SLC2A6: variants seen among roughly 807,000 people sequenced by gnomAD.
SLC2A6 encodes the protein solute carrier family 2, facilitated glucose transporter member 6.
A neutral mutation model predicts 47.8 loss-of-function variants in SLC2A6; 39 were observed. The observed-to-expected ratio is 0.82, with a 90% CI of 0.63 to 1.07. The LOEUF (loss-of-function observed/expected upper bound fraction) is 1.07, where lower values mean the gene tolerates loss of function less well. Ranked by LOEUF, SLC2A6 falls within the 50% of genes least tolerant of loss-of-function variation. The probability of loss-of-function intolerance (pLI) is 0.00; values close to 1 mark genes in which losing one functional copy is unlikely to be tolerated. For missense variants in SLC2A6, 650 were observed against 707.6 expected (o/e 0.92, Z 0.92); for synonymous variants, 346 against 324.1 (o/e 1.07, Z -0.73).
Position 133,475,602 on chromosome 9 carries a change from A to G in SLC2A6, c.572T>C (p.Leu191Pro). The G allele has an allele frequency of 1.3e-6, 2 of 1,595,454 alleles. No individual in the cohort carries two copies. The highest frequency in any genetic ancestry group is 1.7e-6 in the Non-Finnish European group (2 of 1,173,218). The change falls in exon 5 of 10, where the codon CTG becomes CCG. Residue 191 changes from leucine to proline, a missense_variant. By Grantham distance (98) the Leu-to-Pro change is moderately conservative. Transcript: ENST00000371899. ...SLSLYALGLL[L>P]PWRWLAVAGE... ...GGCCACAGCCAGCCAGCGCCACGGC[A>G]GCAGGAGGCCTGGGGGCGAGGGGTG...
chr9:133,473,020 GC>G (rs1807531668), intron 9 of SLC2A6, 84 bp downstream of exon 9: 1 of 1,426,776 alleles, frequency 7.0e-7, no homozygotes, highest in African/African-American at 1.4e-5. Flanking sequence ...CTGACAGCAG[GC>G]CTTGGCACAG....
chr9:133,475,920 ATTTCT>A (rs1000926789), intron 4 of SLC2A6, among the ~76,000 whole-genome samples: 31 of 152,212 alleles, frequency 2.0e-4, no homozygotes, highest in African/African-American at 6.8e-4. Context: ...ACGCACTGTG[ATTTCT>A]TTTCTATCTG....
At chr9:133,473,352 G>C in intron 8 of SLC2A6, 63 bp downstream of exon 8, 1 of 1,542,118 alleles carries the variant, frequency 6.5e-7, no homozygotes, top group Non-Finnish European at 8.7e-7. Flanking sequence ...AGCCACCCCA[G>C]ACACATCACC....
chr9:133,471,901 T>C lies in SLC2A6; in HGVS notation c.*120A>G. 1 of 1,236,750 alleles carries C rather than the reference T, an allele frequency of 8.1e-7. No homozygotes were observed. Among genetic ancestry groups the C allele is most frequent in the South Asian group, 1.5e-5 (1 of 68,616 alleles). The allele number at this position is 1,236,750 out of a possible 1,614,324, so 76.6% of individuals were successfully genotyped here. A position where few individuals can be genotyped will look rare whatever the true frequency, so the allele number is the denominator to read the frequency against. On this transcript the variant is annotated 3_prime_UTR_variant, in exon 10 of 10. Transcript: ENST00000371899. ...TGCTGAGGCCCCATCACACTGCTCT[T>C]CCTGTGCTCTGGCTGGTGGCAGGGA... is the stretch of plus-strand genomic sequence containing the variant.
rs781956939 is a variant in SLC2A6, at chr9:133,476,328, C to T, written c.471G>A (p.Val157=). The change falls in exon 4 of 10, where the codon GTG becomes GTA. Residue 157 remains valine (V), a synonymous_variant. Coordinates refer to ENST00000371899, the MANE Select transcript of SLC2A6 (RefSeq NM_017585.4). ...GAACGCCTGGGGGAGCAATCTCAGA[C>T]ACGTACACCTGCAAGACACAGCCGC... is the stretch of plus-strand genomic sequence containing the variant. ...GLTAACIPVY[V]SEIAPPGVRG... is the part of the protein sequence containing the mutation. 6.2e-7 allele frequency: 1 copy of T among 1,612,898 alleles called. No homozygotes were observed. Among genetic ancestry groups the T allele is most frequent in the Non-Finnish European group, 8.5e-7 (1 of 1,179,878 alleles).
At chr9:133,475,204 C>A in intron 5 of SLC2A6, 91 bp from the exon 6 acceptor site, 1 of 1,423,752 alleles carries the variant, frequency 7.0e-7, no homozygotes, top group South Asian at 1.5e-5. Context: ...TGTGGGAGAC[C>A]TCCTTTTTCC....
At chr9:133,473,914 C>T (rs1264851731) in intron 7 of SLC2A6, 66 bp downstream of exon 7, 2 of 1,275,872 alleles carry the variant, frequency 1.6e-6, no homozygotes, top group Admixed American at 4.6e-5. Context: ...GGCAGGCCTG[C>T]ACACCCAGCC....
chr9:133,471,838 G>T lies in SLC2A6; in HGVS notation c.*183C>A. The T allele has an allele frequency of 1.5e-6, 1 of 649,926 alleles. No individual in the cohort carries two copies. The highest frequency in any genetic ancestry group is 2.6e-6 in the Non-Finnish European group (1 of 385,462). 40.3% of individuals were successfully genotyped at this position (649,926 alleles called of 1,614,324 possible). Reference sequence around the variant, plus strand: ...GCTGCCTGGGCTGGGGCTGTGGCTGGACAGCAGTGCTACCTGTCCCGAGCC... The same window carrying T: ...GCTGCCTGGGCTGGGGCTGTGGCTGTACAGCAGTGCTACCTGTCCCGAGCC... On this transcript the variant is annotated 3_prime_UTR_variant, in exon 10 of 10. Transcript: ENST00000371899.
intron 2 of SLC2A6, among the ~76,000 whole-genome samples, chr9:133,477,547 G>A (rs1844005260): frequency 6.6e-6 from 1 of 152,216 alleles, no homozygotes; most frequent in Non-Finnish European, 1.5e-5. Context: ...AAGGTACTGG[G>A]CTTTAAGATT....
rs782749328 is a variant in SLC2A6, at chr9:133,475,248, C to G, written c.775-135G>C. On this transcript the variant is annotated intron_variant, in intron 5 of 9. Transcript: ENST00000371899. ...GGAAAGAACCAGCTTACCAGGCCAC[C>G]CAGGCTCTGGGAACAGCCCCCCACC... 6.2e-5 allele frequency: 85 copies of G among 1,379,900 alleles called. 1 individual carries two copies. In the Admixed American group the frequency reaches 7.4e-4, roughly 12 times the overall value. 85.5% of individuals were successfully genotyped at this position (1,379,900 alleles called of 1,614,324 possible).
At position 133,473,489 on chromosome 9, in the gene SLC2A6, A is replaced by T. The variant is rs781837510; in HGVS notation, c.1148T>A (p.Leu383Ter). 2 of 1,603,696 alleles carry T rather than the reference A, an allele frequency of 1.2e-6. No individual in the cohort carries two copies. The highest frequency in any genetic ancestry group is 1.7e-6 in the Non-Finnish European group (2 of 1,176,810). Residue 383 changes from leucine to a stop codon, truncating the protein, a stop_gained, in exon 8 of 10, where the codon TTG becomes TAG. Coordinates refer to ENST00000371899, the MANE Select transcript of SLC2A6 (RefSeq NM_017585.4). LOFTEE classifies it high-confidence loss of function. ...AGLESESWGD[L>*]AQPLAAPAGY... ...AGCGGGTGCTGCCAGGGGCTGCGCCAAGTCCCCCCAGGACTCGCTTTCCAG... is the reference window on the plus strand; with the variant it reads ...AGCGGGTGCTGCCAGGGGCTGCGCCTAGTCCCCCCAGGACTCGCTTTCCAG...
intron 2 of SLC2A6, among the ~76,000 whole-genome samples, chr9:133,477,681 G>A (rs1844011366): frequency 6.6e-6 from 1 of 152,178 alleles, no homozygotes; most frequent in Non-Finnish European, 1.5e-5. Flanking sequence ...CTGTCTTATG[G>A]GGAGAGCGCA....
chr9:133,472,859 A>C (rs972914166), intron 9 of SLC2A6, among the ~76,000 whole-genome samples: 8 of 152,142 alleles, frequency 5.3e-5, no homozygotes, highest in Non-Finnish European at 8.8e-5. Context: ...GCCCTGGCCC[A>C]GGAGGTAACC....
intron 5 of SLC2A6, 127 bp downstream of exon 5, chr9:133,475,273 C>T: frequency 5.1e-6 from 7 of 1,363,778 alleles, no homozygotes; most frequent in Non-Finnish European, 6.8e-6. Context: ...AGCCCCCCAC[C>T]CCAACCCAGG....
At chr9:133,474,912 G>C (rs970149341) in intron 6 of SLC2A6, 49 bp downstream of exon 6, 1 of 1,453,360 alleles carries the variant, frequency 6.9e-7, no homozygotes, top group Non-Finnish European at 9.1e-7. Flanking sequence ...TGCCCTGCCA[G>C]CCTCCAGGGG....
In SLC2A6 at chr9:133,475,100, G is replaced by A. The variant is rs587620470; in HGVS notation, c.788C>T (p.Ser263Leu). ...GTGTGGGGCCCGTGCCTCAGCCCACGATACTCGGCTGCTCTGAAACACAAG... is the reference window on the plus strand; with the variant it reads ...GTGTGGGGCCCGTGCCTCAGCCCACAATACTCGGCTGCTCTGAAACACAAG... Reference protein sequence around the residue: ...DNVRRQSSRVSWAEARAPHVC... With the variant: ...DNVRRQSSRVLWAEARAPHVC... Residue 263 changes from serine to leucine, a missense_variant, in exon 6 of 10, where the codon TCG (serine) becomes TTG (leucine). Physicochemically the swap from Ser to Leu is moderately radical, Grantham distance 145. Transcript: ENST00000371899. 1.2e-5 allele frequency: 19 copies of A among 1,569,722 alleles called. No individual in the cohort carries two copies. The highest frequency in any genetic ancestry group is 1.5e-5 in the Non-Finnish European group (17 of 1,159,756).
chr9:133,478,968 C>T lies in SLC2A6; in HGVS notation c.92G>A (p.Gly31Glu), dbSNP rs1397058214. 1.9e-5 allele frequency: 30 copies of T among 1,578,452 alleles called. No individual in the cohort carries two copies. Among genetic ancestry groups the T allele is most frequent in the Non-Finnish European group, 2.3e-5 (27 of 1,166,468 alleles). ...PPSPGDRARVGTLQNKRVFLA... is the reference protein window; with the variant it reads ...PPSPGDRARVETLQNKRVFLA... ...CAGCCCCCAACCTAGCGACTCTCAC[C>T]CGACCCGCGCCCTGTCCCCTGGCGA... is the stretch of plus-strand genomic sequence containing the variant. The change falls in exon 1 of 10, where the codon GGG becomes GAG. Residue 31 changes from glycine to glutamate, a missense_variant and splice_region_variant. Transcript: ENST00000371899.
At position 133,477,260 on chromosome 9, in the gene SLC2A6, C is replaced by T; in HGVS notation, c.256-19G>A. On this transcript the variant is annotated intron_variant, in intron 2 of 9. Coordinates refer to ENST00000371899, the MANE Select transcript of SLC2A6 (RefSeq NM_017585.4). Reference sequence around the variant, plus strand: ...ACACGGACTGCAGGGGAAGGGGGTGCAGGGCAGATATGTCTGGGCACTTGG... The same window carrying T: ...ACACGGACTGCAGGGGAAGGGGGTGTAGGGCAGATATGTCTGGGCACTTGG... The T allele has an allele frequency of 6.5e-7, 1 of 1,549,520 alleles. No individual in the cohort carries two copies. Among genetic ancestry groups the T allele is most frequent in the Non-Finnish European group, 8.7e-7 (1 of 1,146,522 alleles).
intron 8 of SLC2A6, 82 bp downstream of exon 8, chr9:133,473,333 C>T (rs796072995): frequency 5.9e-6 from 9 of 1,536,888 alleles, no homozygotes; most frequent in Non-Finnish European, 7.9e-6. Context: ...GCTGGAGACC[C>T]CCCTCTCCAG....
Sources: gnomAD v4.1 joint callset for allele counts (sites outside exome capture counted in the v4.1 genomes callset) on GRCh38, gnomAD v4.1.1 for gene constraint, MANE v1.5 for transcripts, NCBI Gene and HGNC (gene_info 2026-07-23, HGNC 2026-07-21) for gene names.